IQCH: variants seen among roughly 807,000 people sequenced by gnomAD.
IQCH encodes the protein IQ domain-containing protein H.
Under a neutral mutation model 117.0 loss-of-function variants are expected in IQCH, and 98 were observed. The observed-to-expected ratio is 0.84, with a 90% CI of 0.71 to 0.99. The LOEUF (loss-of-function observed/expected upper bound fraction) is 0.99. Among genes scored for constraint, IQCH ranks in the 50% least tolerant of loss-of-function variants. IQCH has a pLI of 0.00. For synonymous variants in IQCH, 412 were observed against 448.2 expected, an observed-to-expected ratio of 0.92 and a Z score of 1.02; for missense variants, 1,102 against 1,243.8, an observed-to-expected ratio of 0.89 and a Z score of 1.72.
chr15:67,283,435 GTTAT>G, intron 4 of IQCH, among the ~76,000 whole-genome samples: 1 of 152,088 alleles, frequency 6.6e-6, no homozygotes, highest in East Asian at 1.9e-4. Flanking sequence ...TATATATGAA[GTTAT>G]GTTCATACAA....
At position 67,447,821 on chromosome 15, in the gene IQCH, C is replaced by T. The variant is rs1008306423; in HGVS notation, c.2506-17306C>T. On this transcript the variant is annotated intron_variant, in intron 16 of 20. Coordinates refer to ENST00000335894, the MANE Select transcript of IQCH (RefSeq NM_001031715.3). The surrounding 1 kb of genome is among the most constrained non-coding windows in gnomAD (Gnocchi z 5.3). ...TGTGGTGAGTCCAAGCAACAGCTTG[C>T]GTTTTAGAAAGTGGCACTGTCCTCA... is the stretch of plus-strand genomic sequence containing the variant. 1.3e-5 allele frequency among the ~76,000 whole-genome samples: 2 copies of T among 152,144 alleles called. No individual in the cohort carries two copies. Among genetic ancestry groups the T allele is most frequent in the African/African-American group, 4.8e-5 (2 of 41,428 alleles).
chr15:67,341,471 AAAAC>A (rs1243573610), intron 5 of IQCH, among the ~76,000 whole-genome samples: 3 of 152,212 alleles, frequency 2.0e-5, no homozygotes, highest in Admixed American at 1.3e-4. Context: ...ACTAAAAAGA[AAAAC>A]AAATTAATAG....
rs1271158037 is a variant in IQCH, at chr15:67,465,841, G to C, written c.2676+544G>C. 6.6e-6 allele frequency among the ~76,000 whole-genome samples: 1 copy of C among 152,084 alleles called. No homozygotes were observed. The highest frequency in any genetic ancestry group is 2.4e-5 in the African/African-American group (1 of 41,410). Reference sequence around the variant, plus strand: ...CTAGCTACGAAAATGCCACTAACCTGACCCCTCCTCTCTCTCCACAAAGAT... The same window carrying C: ...CTAGCTACGAAAATGCCACTAACCTCACCCCTCCTCTCTCTCCACAAAGAT... On this transcript the variant is annotated intron_variant, in intron 17 of 20. Coordinates refer to ENST00000335894, the MANE Select transcript of IQCH (RefSeq NM_001031715.3). This position sits in a 1 kb window ranked among gnomAD's most constrained non-coding sequence, Gnocchi z 5.9.
At position 67,482,939 on chromosome 15, in the gene IQCH, C is replaced by T. The variant is rs115191450; in HGVS notation, c.2800-7064C>T. ...TTGGTGAGCTGCCTAAGGGTAGACTCTTACATCTCTCACATATAAAATAAA... is the reference window on the plus strand; with the variant it reads ...TTGGTGAGCTGCCTAAGGGTAGACTTTTACATCTCTCACATATAAAATAAA... On this transcript the variant is annotated intron_variant, in intron 18 of 20. Transcript: ENST00000335894. Among the ~76,000 whole-genome samples the T allele has an allele frequency of 5.5e-3, 842 of 152,226 alleles. 6 individuals are homozygous for T. The highest frequency in any genetic ancestry group is 0.019 in the African/African-American group (808 of 41,514).
At chr15:67,497,297 C>G (rs2083844980) in intron 20 of IQCH, among the ~76,000 whole-genome samples, 2 of 151,532 alleles carry the variant, frequency 1.3e-5, no homozygotes, top group Non-Finnish European at 2.9e-5. Flanking sequence ...GCACTCCAGC[C>G]TGGGTGACAG....
chr15:67,289,431 C>T (rs1280425378), intron 4 of IQCH, among the ~76,000 whole-genome samples: 5 of 151,988 alleles, frequency 3.3e-5, no homozygotes, highest in Admixed American at 1.3e-4. Context: ...AGAACTAACA[C>T]GACTTGATCA....
At chr15:67,306,953 G>T in intron 4 of IQCH, 2 of 1,398,776 alleles carry the variant, frequency 1.4e-6, no homozygotes, top group South Asian at 1.6e-5. Flanking sequence ...ATTTGACTTT[G>T]ATTTATTCCT....
Position 67,416,950 on chromosome 15 carries a change from T to G in IQCH, c.2117T>G (p.Ile706Ser). 1 of 1,605,676 alleles carries G rather than the reference T, an allele frequency of 6.2e-7. No individual in the cohort carries two copies. The highest frequency in any genetic ancestry group is 1.1e-5 in the South Asian group (1 of 89,226). ...KWAQEPALVK[I>S]SEELAGILAQ... ...CTGCAGGAGCCAGCTTTGGTGAAGA[T>G]CTCTGAGGAGCTGGCGGGCATTTTA... is the stretch of plus-strand genomic sequence containing the variant. The change falls in exon 15 of 21, where the codon ATC becomes AGC. Residue 706 changes from isoleucine (I) to serine (S), a missense_variant. Ile to Ser is a moderately radical substitution (Grantham distance 142). This residue lies in a region of IQCH where 650 missense variants were observed against 794.3 expected (regional missense o/e 0.82). Transcript: ENST00000335894. This position sits in a 1 kb window ranked among gnomAD's most constrained non-coding sequence, Gnocchi z 5.1.
intron 16 of IQCH, among the ~76,000 whole-genome samples, chr15:67,429,604 T>A (rs749985258): frequency 6.6e-6 from 1 of 152,256 alleles, no homozygotes; most frequent in African/African-American, 2.4e-5. Flanking sequence ...TAGAATGTTA[T>A]TGTTTGCAAA....
In IQCH at chr15:67,458,940, G is replaced by C. The variant is rs963534371; in HGVS notation, c.2506-6187G>C. Reference sequence around the variant, plus strand: ...GCATGTCTCAGAGTTGGCTTATTTGGAGTGCCTGTCTTTTTAAAAATTTTC... The same window carrying C: ...GCATGTCTCAGAGTTGGCTTATTTGCAGTGCCTGTCTTTTTAAAAATTTTC... On this transcript the variant is annotated intron_variant, in intron 16 of 20. Transcript: ENST00000335894. The surrounding 1 kb of genome is among the most constrained non-coding windows in gnomAD (Gnocchi z 4.1). Among the ~76,000 whole-genome samples, 2 of 152,330 alleles carry C rather than the reference G, an allele frequency of 1.3e-5. No individual in the cohort carries two copies. Among genetic ancestry groups the C allele is most frequent in the South Asian group, 4.1e-4 (2 of 4,828 alleles).
chr15:67,346,925 C>T (rs1969420651), intron 6 of IQCH, among the ~76,000 whole-genome samples: 1 of 151,796 alleles, frequency 6.6e-6, no homozygotes, highest in South Asian at 2.1e-4. Context: ...TTCTAAATAA[C>T]CCGTGGATCA....
rs996731435 is a variant in IQCH, at chr15:67,467,710, C to T, written c.2676+2413C>T. The stretch of plus-strand genomic sequence containing the variant: ...GGTACAACTCACAAGCAAATCGAAG[C>T]TTCCTGAACAAGTGTGAACAGACTA... On this transcript the variant is annotated intron_variant, in intron 17 of 20. Transcript: ENST00000335894. This position sits in a 1 kb window ranked among gnomAD's most constrained non-coding sequence, Gnocchi z 5.7. Among the ~76,000 whole-genome samples, 1 of 152,186 alleles carries T rather than the reference C, an allele frequency of 6.6e-6. No homozygotes were observed. Among genetic ancestry groups the T allele is most frequent in the Non-Finnish European group, 1.5e-5 (1 of 68,046 alleles).
At chr15:67,306,089 C>T (rs529209497) in intron 4 of IQCH, among the ~76,000 whole-genome samples, 1 of 152,008 alleles carries the variant, frequency 6.6e-6, no homozygotes, top group African/African-American at 2.4e-5. Flanking sequence ...AACTGTTGGC[C>T]TTTTGATCAA....
intron 3 of IQCH, among the ~76,000 whole-genome samples, chr15:67,273,076 A>T (rs983108427): frequency 1.5e-4 from 23 of 151,664 alleles, no homozygotes; most frequent in South Asian, 2.1e-4. Context: ...TTAATTAATT[A>T]ATTTATTTTT....
At position 67,395,440 on chromosome 15, in the gene IQCH, C is replaced by T. The variant is rs1971432732; in HGVS notation, c.1782C>T (p.Pro594=). The T allele has an allele frequency of 6.2e-7, 1 of 1,614,102 alleles. No individual in the cohort carries two copies. Among genetic ancestry groups the T allele is most frequent in the East Asian group, 2.2e-5 (1 of 44,864 alleles). ...DLAVADMLDI[P]ILGSEPELAH... ...CTGTGGCCGATATGTTAGACATACC[C>T]ATCCTGGGCTCTGAGCCTGAACTAG... The change falls in exon 13 of 21, where the codon CCC becomes CCT. Residue 594 remains proline (P), a synonymous_variant. Coordinates refer to ENST00000335894, the MANE Select transcript of IQCH (RefSeq NM_001031715.3). This position sits in a 1 kb window ranked among gnomAD's most constrained non-coding sequence, Gnocchi z 4.0.
At position 67,356,656 on chromosome 15, in the gene IQCH, C is replaced by G. The variant is rs1217574320; in HGVS notation, c.638-689C>G. Reference sequence around the variant, plus strand: ...TAACCATTTAAATAAATTTTTTGTTCTCTTTCTTGGGCTGAGTAGTATAAG... The same window carrying G: ...TAACCATTTAAATAAATTTTTTGTTGTCTTTCTTGGGCTGAGTAGTATAAG... On this transcript the variant is annotated intron_variant, in intron 6 of 20. Transcript: ENST00000335894. This position sits in a 1 kb window ranked among gnomAD's most constrained non-coding sequence, Gnocchi z 5.3. Among the ~76,000 whole-genome samples the G allele has an allele frequency of 6.6e-6, 1 of 152,154 alleles. No individual in the cohort carries two copies. The highest frequency in any genetic ancestry group is 2.1e-4 in the South Asian group (1 of 4,828).
At chr15:67,297,955 G>A (rs1966866565) in intron 4 of IQCH, among the ~76,000 whole-genome samples, 1 of 151,940 alleles carries the variant, frequency 6.6e-6, no homozygotes, top group Non-Finnish European at 1.5e-5. Context: ...TTAATAACCA[G>A]AATATATTAG....
chr15:67,331,623 T>C (rs774163279), intron 4 of IQCH, among the ~76,000 whole-genome samples: 7 of 152,192 alleles, frequency 4.6e-5, no homozygotes, highest in Non-Finnish European at 1.0e-4. Context: ...TCCAAAAATA[T>C]AATGACTTAA....
chr15:67,380,071 C>T (rs2140814962), intron 10 of IQCH, among the ~76,000 whole-genome samples: 2 of 152,266 alleles, frequency 1.3e-5, no homozygotes, highest in South Asian at 4.2e-4. Flanking sequence ...AGGCTGGTCT[C>T]GAACTCCCAA....
Sources: gnomAD v4.1 joint callset for allele counts (sites outside exome capture counted in the v4.1 genomes callset) on GRCh38, gnomAD v4.1.1 for gene constraint, gnomAD v4.1.1 regional missense constraint, Gnocchi (gnomAD v3.1) non-coding constraint, MANE v1.5 for transcripts, NCBI Gene and HGNC (gene_info 2026-07-23, HGNC 2026-07-21) for gene names.